RPP30: variants seen among roughly 807,000 people sequenced by gnomAD.
RPP30 encodes ribonuclease P protein subunit p30.
In RPP30, 36 loss-of-function variants were observed where a neutral mutation model predicts 38.6. The observed-to-expected ratio is 0.93, with a 90% CI of 0.71 to 1.23. The LOEUF (loss-of-function observed/expected upper bound fraction) is 1.23. Ranked by LOEUF, RPP30 falls within the 50% of genes most tolerant of loss-of-function variation. The probability of loss-of-function intolerance (pLI) is 0.00; values close to 1 mark genes in which losing one functional copy is unlikely to be tolerated. For missense variants in RPP30, 321 were observed against 321.7 expected, an observed-to-expected ratio of 1.00 and a Z score of 0.02; for synonymous variants, 126 against 112.7, an observed-to-expected ratio of 1.12 and a Z score of -0.75.
Position 90,900,743 on chromosome 10 carries a change from AAAAT to A in RPP30, c.*68_*71del. 3.2e-6 allele frequency: 5 copies of A among 1,549,762 alleles called. 1 individual carries two copies. The Middle Eastern group carries it at 5.2e-4, about 161-fold the overall frequency. On this transcript the variant is annotated 3_prime_UTR_variant, in exon 11 of 11. Transcript: ENST00000371703. ...CTTTTATAGTTCATCAGCCACAACAAAAATAAAACCTTTGTGTGATTTACTGTTT... is the reference window on the plus strand; with the variant it reads ...CTTTTATAGTTCATCAGCCACAACAAAAAACCTTTGTGTGATTTACTGTTT...
intron 5 of RPP30, among the ~76,000 whole-genome samples, chr10:90,883,079 G>A (rs1473651258): frequency 6.6e-6 from 1 of 152,084 alleles, no homozygotes; most frequent in Non-Finnish European, 1.5e-5. Flanking sequence ...TTAAAGTTGA[G>A]TGCCACTGTT....
chr10:90,898,490 T>C (rs1048143265), intron 10 of RPP30, among the ~76,000 whole-genome samples: 2 of 152,140 alleles, frequency 1.3e-5, no homozygotes, highest in African/African-American at 4.8e-5. Flanking sequence ...ACAAGGAAAT[T>C]CAAAGCCTCG....
chr10:90,900,256 A>G (rs1304931832), intron 10 of RPP30, among the ~76,000 whole-genome samples: 4 of 152,222 alleles, frequency 2.6e-5, no homozygotes, highest in African/African-American at 9.7e-5. Flanking sequence ...TACCATATAT[A>G]AAGTGTCTGC....
chr10:90,896,092 A>G (rs1330198013), intron 9 of RPP30, among the ~76,000 whole-genome samples, 175 bp downstream of exon 9: 3 of 152,200 alleles, frequency 2.0e-5, no homozygotes, highest in Admixed American at 1.3e-4. Context: ...CTGTTTTTTA[A>G]TTAATCATGA....
chr10:90,877,758 T>A lies in RPP30; in HGVS notation c.271-1305T>A, dbSNP rs1359600909. On this transcript the variant is annotated intron_variant, in intron 4 of 10. Coordinates refer to ENST00000371703, the MANE Select transcript of RPP30 (RefSeq NM_006413.5). ...ACTTTGCTTAAGAAATTTGACTCCATAGGAGAATGGGAGGCGTAGGGTGGT... is the reference window on the plus strand; with the variant it reads ...ACTTTGCTTAAGAAATTTGACTCCAAAGGAGAATGGGAGGCGTAGGGTGGT... 3.3e-5 allele frequency among the ~76,000 whole-genome samples: 5 copies of A among 152,268 alleles called. No individual in the cohort carries two copies. The East Asian group carries it at 9.6e-4, about 29-fold the overall frequency.
chr10:90,892,505 G>A (rs994761909), intron 6 of RPP30, among the ~76,000 whole-genome samples: 11 of 151,162 alleles, frequency 7.3e-5, no homozygotes, highest in South Asian at 4.2e-4. Context: ...CCCTCCCCCC[G>A]CAAAAGTTGT....
downstream of RPP30, among the ~76,000 whole-genome samples, chr10:90,902,521 C>T (rs114976560): frequency 0.011 from 1,623 of 152,224 alleles, 29 homozygotes; most frequent in African/African-American, 0.037. Context: ...CCACCATACC[C>T]GGCCTTCCAG....
Position 90,900,637 on chromosome 10 carries a change from A to G in RPP30, c.765A>G (p.Glu255=). 1 of 1,613,750 alleles carries G rather than the reference A, an allele frequency of 6.2e-7. No individual in the cohort carries two copies. Among genetic ancestry groups the G allele is most frequent in the Non-Finnish European group, 8.5e-7 (1 of 1,179,814 alleles). The change falls in exon 11 of 11, where the codon GAA becomes GAG. Residue 255 remains glutamate (E), a synonymous_variant. Transcript: ENST00000371703. ...AACCTCGGCCATCAGAAGGAGATGA[A>G]GATTGTCTTCCAGCTTCCAAGAAAG... ...VKKPRPSEGD[E]DCLPASKKAK... is the part of the protein sequence containing the mutation.
chr10:90,895,071 A>G, intron 7 of RPP30, 180 bp downstream of exon 7: 1 of 672,372 alleles, frequency 1.5e-6, no homozygotes, highest in South Asian at 1.5e-5. Context: ...CAAGGGAAGA[A>G]TAATGTAAGG....
At chr10:90,898,947 T>C (rs1013013095) in intron 10 of RPP30, among the ~76,000 whole-genome samples, 3 of 152,218 alleles carry the variant, frequency 2.0e-5, no homozygotes, top group African/African-American at 7.2e-5. Flanking sequence ...AATTATTCAC[T>C]CGTAGATAAT....
rs755616815 is a variant in RPP30 at position 90,874,876 on chromosome 10, T to C, written c.90T>C (p.Tyr30=). ...GLVETAAHLG[Y]SVVAINHIVD... ...TCAATTTTTCTTTTTCAGTTGGCTATTCAGTTGTTGCTATCAATCATATCG... is the reference window on the plus strand; with the variant it reads ...TCAATTTTTCTTTTTCAGTTGGCTACTCAGTTGTTGCTATCAATCATATCG... Residue 30 remains tyrosine (Y), a synonymous_variant, in exon 2 of 11, where the codon TAT becomes TAC. Coordinates refer to ENST00000371703, the MANE Select transcript of RPP30 (RefSeq NM_006413.5). The C allele has an allele frequency of 6.3e-7, 1 of 1,596,000 alleles. No homozygotes were observed. The highest frequency in any genetic ancestry group is 8.6e-7 in the Non-Finnish European group (1 of 1,168,974).
At chr10:90,890,199 G>A (rs1362930838) in intron 6 of RPP30, among the ~76,000 whole-genome samples, 1 of 152,176 alleles carries the variant, frequency 6.6e-6, no homozygotes, top group African/African-American at 2.4e-5. Flanking sequence ...GCTTTTTAAA[G>A]TTACTTTACA....
In RPP30 at chr10:90,875,605, A is replaced by T. The variant is rs1846841194; in HGVS notation, c.186A>T (p.Pro62=). The change falls in exon 3 of 11, where the codon CCA becomes CCT. Residue 62 remains proline (P), a synonymous_variant. Coordinates refer to ENST00000371703, the MANE Select transcript of RPP30 (RefSeq NM_006413.5). ...TTTCTGAACTCTTCACAACTTTGCCAATTGTACAGGTAGGTGTTTTGTTGT... is the reference window on the plus strand; with the variant it reads ...TTTCTGAACTCTTCACAACTTTGCCTATTGTACAGGTAGGTGTTTTGTTGT... The part of the protein sequence containing the change: ...VAVSELFTTL[P]IVQGKSRPIK... The T allele has an allele frequency of 6.2e-7, 1 of 1,612,948 alleles. No individual in the cohort carries two copies. Among genetic ancestry groups the T allele is most frequent in the South Asian group, 1.1e-5 (1 of 91,064 alleles).
At chr10:90,895,161 CA>C in intron 7 of RPP30, 1 of 543,832 alleles carries the variant, frequency 1.8e-6, no homozygotes, top group Non-Finnish European at 3.3e-6. Context: ...TCTAGAATAA[CA>C]ATGGTCCTCA....
chr10:90,873,432 A>G (rs1375798425), intron 1 of RPP30, among the ~76,000 whole-genome samples: 1 of 152,224 alleles, frequency 6.6e-6, no homozygotes, highest in Non-Finnish European at 1.5e-5. Context: ...CTGGAACTAA[A>G]TAGTGGACAT....
chr10:90,886,106 ATGTTT>A (rs1846997060), intron 6 of RPP30, among the ~76,000 whole-genome samples: 2 of 152,246 alleles, frequency 1.3e-5, no homozygotes, highest in Non-Finnish European at 2.9e-5. Flanking sequence ...AATTATTAAG[ATGTTT>A]TTAAAAGGCC....
intron 5 of RPP30, among the ~76,000 whole-genome samples, chr10:90,881,378 A>C (rs1846925599): frequency 6.6e-6 from 1 of 152,168 alleles, no homozygotes; most frequent in Non-Finnish European, 1.5e-5. Context: ...ACTATGTTGT[A>C]ATTTCATATA....
At chr10:90,890,459 A>T (rs1275330933) in intron 6 of RPP30, among the ~76,000 whole-genome samples, 1 of 151,848 alleles carries the variant, frequency 6.6e-6, no homozygotes, top group East Asian at 1.9e-4. Flanking sequence ...CCTTCCTTTA[A>T]CCCTAATCCA....
chr10:90,880,603 G>A (rs921569834), intron 5 of RPP30, among the ~76,000 whole-genome samples: 12 of 151,968 alleles, frequency 7.9e-5, no homozygotes, highest in Non-Finnish European at 2.9e-5. Flanking sequence ...TGGCACGCTC[G>A]CAGCTACTCG....
Sources: gnomAD v4.1 joint callset for allele counts (sites outside exome capture counted in the v4.1 genomes callset) on GRCh38, gnomAD v4.1.1 for gene constraint, MANE v1.5 for transcripts, NCBI Gene and HGNC (gene_info 2026-07-23, HGNC 2026-07-21) for gene names.